The following NEB variants were observed in gnomAD, a reference collection of about 807,000 sequenced individuals.
The protein encoded by NEB is nemaline myopathy type 2.
NEB carries 512 observed loss-of-function variants against 952.2 expected under a neutral mutation model. The ratio of observed to expected loss-of-function variants is 0.54; its 90% confidence interval spans 0.50 to 0.58. The LOEUF (loss-of-function observed/expected upper bound fraction) is 0.58. NEB is among the 20% of genes least tolerant of loss of function. NEB has a pLI of 0.00. For synonymous variants in NEB, 2,900 were observed against 3,149.8 expected (o/e 0.92, Z 2.66); for missense variants, 8,428 against 9,231.1 (o/e 0.91, Z 3.56).
chr2:151,518,179 T>C (rs2079268582), intron 156 of NEB, 139 bp downstream of exon 156: 2 of 700,062 alleles, frequency 2.9e-6, no homozygotes, highest in Non-Finnish European at 5.2e-6. Flanking sequence ...AAGAATTTGT[T>C]TCAAAAAGTT....
chr2:151,634,386 G>A (rs1349258990), intron 64 of NEB, among the ~76,000 whole-genome samples: 1 of 152,184 alleles, frequency 6.6e-6, no homozygotes, highest in Non-Finnish European at 1.5e-5. Flanking sequence ...GCTCATGCCT[G>A]TAATCCCAGC....
rs1238384293 is a variant in NEB, at chr2:151,610,525, G to A, written c.12009C>T (p.Ile4003=). The A allele has an allele frequency of 3.1e-6, 5 of 1,607,902 alleles. No homozygotes were observed. The highest frequency in any genetic ancestry group is 1.1e-5 in the South Asian group (1 of 90,934). ...GATGGAAGGTACTCACGTCACTGGC[G>A]ATGTCCCTGGAGGCCTTGGCACTTT... ...SIKSAKASRD[I]ASDYKYKEAY... is the part of the protein sequence containing the mutation. The change falls in exon 80 of 182, where the codon ATC becomes ATT. Residue 4003 remains isoleucine (I), a synonymous_variant. Coordinates refer to ENST00000397345, the MANE Select transcript of NEB (RefSeq NM_001164508.2).
At chr2:151,527,828 G>C (rs2087320718) in intron 146 of NEB, among the ~76,000 whole-genome samples, 1 of 152,136 alleles carries the variant, frequency 6.6e-6, no homozygotes, top group Non-Finnish European at 1.5e-5. Context: ...CGGGTGAAAT[G>C]ATTCTTCAAT....
Position 151,552,834 on chromosome 2 carries a change from G to A in NEB, c.19732-58C>T, listed in dbSNP as rs949371656. ...ACCATTCCTTATGCTTGAAACTGCT[G>A]GTTTTCACAGAGGGTTTGGTTGCTT... On this transcript the variant is annotated intron_variant, in intron 127 of 181. Coordinates refer to ENST00000397345, the MANE Select transcript of NEB (RefSeq NM_001164508.2). 4.7e-6 allele frequency: 6 copies of A among 1,263,790 alleles called. No individual in the cohort carries two copies. In the Admixed American group the frequency reaches 9.6e-5, roughly 20 times the overall value. 78.3% of individuals were successfully genotyped at this position (1,263,790 alleles called of 1,614,324 possible).
chr2:151,575,203 TCTC>T (rs891546854), intron 107 of NEB, among the ~76,000 whole-genome samples: 5 of 152,202 alleles, frequency 3.3e-5, no homozygotes, highest in African/African-American at 2.4e-5. Flanking sequence ...GTTTAAATGT[TCTC>T]CTTAATTTCT....
At chr2:151,683,428 T>G (rs1399349227) in intron 28 of NEB, among the ~76,000 whole-genome samples, 1 of 152,180 alleles carries the variant, frequency 6.6e-6, no homozygotes, top group Non-Finnish European at 1.5e-5. Flanking sequence ...TACCAAAAAT[T>G]TACGTTTTAG....
At position 151,625,559 on chromosome 2, in the gene NEB, C is replaced by A. The variant is rs2098506915; in HGVS notation, c.10427G>T (p.Arg3476Ile). Residue 3476 changes from arginine (R) to isoleucine (I), a missense_variant, in exon 71 of 182, where the codon AGA becomes ATA. Arg to Ile is a moderately conservative substitution (Grantham distance 97). Coordinates refer to ENST00000397345, the MANE Select transcript of NEB (RefSeq NM_001164508.2). Reference protein sequence around the residue: ...MPDTPEIMLARQNKINYSESL... With the variant: ...MPDTPEIMLAIQNKINYSESL... ...CTCACTATAATTTATTTTATTTTGTCTTGCCAACATGATTTCAGGTGTATC... is the reference window on the plus strand; with the variant it reads ...CTCACTATAATTTATTTTATTTTGTATTGCCAACATGATTTCAGGTGTATC... 8.7e-6 allele frequency: 14 copies of A among 1,603,074 alleles called. No homozygotes were observed. The highest frequency in any genetic ancestry group is 1.2e-5 in the Non-Finnish European group (14 of 1,172,338).
Position 151,529,320 on chromosome 2 carries a change from G to A in NEB, c.21631-6C>T. 1 of 1,565,816 alleles carries A rather than the reference G, an allele frequency of 6.4e-7. No individual in the cohort carries two copies. The highest frequency in any genetic ancestry group is 1.7e-5 in the Admixed American group (1 of 59,956). ...TATACTTCTTTGTATTTCAGCTGTG[G>A]GAGGAAACACAGTGACAAGATTAAT... On this transcript the variant is annotated splice_region_variant and splice_polypyrimidine_tract_variant and intron_variant, in intron 145 of 181. Transcript: ENST00000397345.
intron 65 of NEB, 126 bp downstream of exon 65, chr2:151,633,528 T>G: frequency 7.6e-7 from 1 of 1,311,476 alleles, no homozygotes; most frequent in Non-Finnish European, 1.0e-6. Flanking sequence ...AAAATTGTAT[T>G]CTGATTTAAA....
At chr2:151,613,723 T>C (rs953985126) in intron 77 of NEB, among the ~76,000 whole-genome samples, 1 of 152,132 alleles carries the variant, frequency 6.6e-6, no homozygotes, top group Non-Finnish European at 1.5e-5. Flanking sequence ...GAGTGAATTC[T>C]CATGAGATCC....
rs777846522 is a variant in NEB, at chr2:151,553,506, G to C, written c.19627-4C>G. On this transcript the variant is annotated splice_polypyrimidine_tract_variant and splice_region_variant and intron_variant, in intron 126 of 181. Coordinates refer to ENST00000397345, the MANE Select transcript of NEB (RefSeq NM_001164508.2). Reference sequence around the variant, plus strand: ...TGAGGTCATCCTTGTATACAATCTAGAGGGTTTTGATAGAAAGGATCAGAA... The same window carrying C: ...TGAGGTCATCCTTGTATACAATCTACAGGGTTTTGATAGAAAGGATCAGAA... The C allele has an allele frequency of 3.1e-6, 5 of 1,596,334 alleles. No homozygotes were observed. In the African/African-American group the frequency reaches 4.0e-5, roughly 13 times the overall value.
At chr2:151,633,466 T>G (rs2098706414) in intron 65 of NEB, among the ~76,000 whole-genome samples, 188 bp downstream of exon 65, 1 of 152,248 alleles carries the variant, frequency 6.6e-6, no homozygotes, top group African/African-American at 2.4e-5. Context: ...AAGTCCACTT[T>G]GTTAATTTTA....
chr2:151,543,712 C>G (rs192431887), intron 135 of NEB, among the ~76,000 whole-genome samples: 135 of 152,298 alleles, frequency 8.9e-4, no homozygotes, highest in African/African-American at 3.1e-3. Flanking sequence ...GCCTCAAACT[C>G]CTGCACTCCA....
intron 72 of NEB, among the ~76,000 whole-genome samples, chr2:151,620,165 T>A (rs1030814486): frequency 8.6e-5 from 13 of 151,760 alleles, no homozygotes; most frequent in African/African-American, 2.7e-4. Context: ...CACAATTGAT[T>A]TGGGAGAAAT....
intron 135 of NEB, among the ~76,000 whole-genome samples, chr2:151,542,454 T>A (rs889742724): frequency 1.4e-4 from 22 of 152,198 alleles, no homozygotes; most frequent in Non-Finnish European, 8.8e-5. Context: ...CAATATATAA[T>A]TCTTTATATT....
intron 78 of NEB, 109 bp downstream of exon 78, chr2:151,612,077 C>G: frequency 8.5e-7 from 1 of 1,170,326 alleles, no homozygotes; most frequent in Non-Finnish European, 1.2e-6. Flanking sequence ...GCATGAGAAT[C>G]AGGCCTATGA....
intron 13 of NEB, among the ~76,000 whole-genome samples, chr2:151,699,601 C>G (rs2099629608): frequency 1.4e-5 from 1 of 69,516 alleles, no homozygotes; most frequent in African/African-American, 6.0e-5. Flanking sequence ...ATTTGCATTT[C>G]TCTGATGGCC....
In NEB at chr2:151,665,526, G is replaced by A; in HGVS notation, c.5045C>T (p.Ser1682Phe). The A allele has an allele frequency of 1.3e-6, 2 of 1,599,804 alleles. No individual in the cohort carries two copies. The highest frequency in any genetic ancestry group is 1.7e-5 in the Admixed American group (1 of 57,746). The change falls in exon 42 of 182, where the codon TCT becomes TTT. Residue 1682 changes from serine (S) to phenylalanine (F), a missense_variant. Physicochemically the swap from Ser to Phe is radical, Grantham distance 155. Coordinates refer to ENST00000397345, the MANE Select transcript of NEB (RefSeq NM_001164508.2). ...MQIQSDNLYK[S>F]DFTNWMKGIG... ...CCCTTTCATCCAATTGGTGAAGTCAGATTTGTACAGATTCTTTACAATGAG... is the reference window on the plus strand; with the variant it reads ...CCCTTTCATCCAATTGGTGAAGTCAAATTTGTACAGATTCTTTACAATGAG...
intron 3 of NEB, among the ~76,000 whole-genome samples, chr2:151,730,658 T>C (rs2099805371): frequency 6.6e-6 from 1 of 150,930 alleles, no homozygotes; most frequent in African/African-American, 2.4e-5. Context: ...CACTTTATGC[T>C]TCCTTTTTCT....
Sources: allele counts gnomAD v4.1 joint callset (sites outside exome capture counted in the v4.1 genomes callset), GRCh38; gene constraint gnomAD v4.1.1; transcripts MANE v1.5; gene names NCBI Gene and HGNC (gene_info 2026-07-23, HGNC 2026-07-21).